SHPK: variants seen among roughly 807,000 people sequenced by gnomAD.
SHPK encodes the protein carbohydrate kinase-like protein.
Under a neutral mutation model 46.3 loss-of-function variants are expected in SHPK, and 51 were observed. The ratio of observed to expected loss-of-function variants is 1.10; its 90% CI spans 0.88 to 1.39. The LOEUF (loss-of-function observed/expected upper bound fraction) is 1.39, where lower values mean the gene tolerates loss of function less well. Among genes scored for constraint, SHPK ranks in the 40% most tolerant of loss-of-function variants. The probability of loss-of-function intolerance (pLI) is 0.00; values close to 1 mark genes in which losing one functional copy is unlikely to be tolerated. For missense variants in SHPK, 668 were observed against 641.3 expected (o/e 1.04, Z -0.45); for synonymous variants, 290 against 273.9 (o/e 1.06, Z -0.58).
intron 1 of SHPK, among the ~76,000 whole-genome samples, chr17:3,632,691 C>T (rs575016658): frequency 1.9e-4 from 29 of 152,224 alleles, no homozygotes; most frequent in African/African-American, 6.5e-4. Flanking sequence ...TCTACATCCA[C>T]GTCGAATCCT....
intron 2 of SHPK, among the ~76,000 whole-genome samples, chr17:3,629,138 T>C (rs1039779612): frequency 2.0e-5 from 3 of 152,132 alleles, no homozygotes; most frequent in African/African-American, 7.2e-5. Flanking sequence ...GATTCAAAAG[T>C]GGGGTTCACC....
rs2075313463 is a variant in SHPK, at chr17:3,608,426, C to A, written c.*2134G>T. 6.6e-6 allele frequency: 1 copy of A among 152,004 alleles called. No individual in the cohort carries two copies. Among genetic ancestry groups the A allele is most frequent in the Admixed American group, 6.6e-5 (1 of 15,218 alleles). The allele number at this position is 152,004 out of a possible 1,614,324, so 9.4% of individuals were successfully genotyped here. The stretch of plus-strand genomic sequence containing the variant: ...CCCTAATGAAGTAAAAAAAGACTGA[C>A]CTGAACAGAAGCACTGTGATACCAG... On this transcript the variant is annotated 3_prime_UTR_variant, in exon 7 of 7. Coordinates refer to ENST00000225519, the MANE Select transcript of SHPK (RefSeq NM_013276.4).
intron 6 of SHPK, among the ~76,000 whole-genome samples, chr17:3,612,590 T>G (rs776144375): frequency 9.9e-5 from 15 of 152,050 alleles, no homozygotes; most frequent in Non-Finnish European, 1.8e-4. Flanking sequence ...TCTCCAGACT[T>G]TCTGATTTAA....
Position 3,621,378 on chromosome 17 carries a change from G to A in SHPK, c.682C>T (p.Pro228Ser), listed in dbSNP as rs746380022. 1.9e-6 allele frequency: 3 copies of A among 1,614,088 alleles called. No homozygotes were observed. In the African/African-American group the frequency reaches 4.0e-5, roughly 22 times the overall value. Residue 228 changes from proline to serine, a missense_variant, in exon 5 of 7, where the codon CCA (proline) becomes TCA (serine). Physicochemically the swap from Pro to Ser is moderately conservative, Grantham distance 74. Transcript: ENST00000225519. ...ACACTGCCAGGCTCGGCGATGTCTG[G>A]GAGCAGGTGGACAGGAAAACCCGAG... ...RSSGFPVHLL[P>S]DIAEPGSVAG...
At chr17:3,624,310 G>C in intron 2 of SHPK, 79 bp from the exon 3 acceptor site, 1 of 1,310,258 alleles carries the variant, frequency 7.6e-7, no homozygotes, top group East Asian at 2.4e-5. Flanking sequence ...TACTCTGCTG[G>C]TGAGTGACAA....
In SHPK at chr17:3,624,207, ATCCC is replaced by A; in HGVS notation, c.331_334del (p.Gly111LeufsTer51). The A allele has an allele frequency of 6.2e-7, 1 of 1,613,464 alleles. No individual in the cohort carries two copies. The highest frequency in any genetic ancestry group is 8.5e-7 in the Non-Finnish European group (1 of 1,179,486). On this transcript the variant is annotated frameshift_variant, in exon 3 of 7. Transcript: ENST00000225519. LOFTEE classifies it high-confidence loss of function. ...AGCTCGGGGCTCGAACACCGGGGTA[ATCCC>A]TCCCTCTGTCCATTCACAGCCTGGA...
intron 2 of SHPK, among the ~76,000 whole-genome samples, chr17:3,627,865 T>TTAC (rs768226810): frequency 1.3e-5 from 2 of 151,840 alleles, no homozygotes; most frequent in African/African-American, 2.4e-5. Context: ...TTAAAAGCTT[T>TTAC]TACAACCTAG....
chr17:3,631,542 C>T lies in SHPK; in HGVS notation c.169-1196G>A, dbSNP rs1334279802. ...TTTTTTTTTTTTTTTTTTTTTTTAG[C>T]GATAGAGTCTCTCTCTATTGCTCAG... On this transcript the variant is annotated intron_variant, in intron 1 of 6. Transcript: ENST00000225519. 5.6e-4 allele frequency among the ~76,000 whole-genome samples: 7 copies of T among 12,474 alleles called. No homozygotes were observed. In the East Asian group the frequency reaches 0.062, roughly 111 times the overall value. The allele number at this position is 12,474 out of a possible 152,430, so 8.2% of individuals were successfully genotyped here. A position where few individuals can be genotyped will look rare whatever the true frequency, so the allele number is the denominator to read the frequency against.
Position 3,621,509 on chromosome 17 carries a change from TC to T in SHPK, c.648-98del, listed in dbSNP as rs1378036052. ...TTCCTCCCTTCCTTCTCTCCATTCC[TC>T]CCTCCCTTCTTCCTTTCCTTTCCTC... is the stretch of plus-strand genomic sequence containing the variant. On this transcript the variant is annotated intron_variant, in intron 4 of 6. Transcript: ENST00000225519. 11 of 1,141,678 alleles carry T rather than the reference TC, an allele frequency of 9.6e-6. No individual in the cohort carries two copies. The African/African-American group carries it at 1.6e-4, about 16-fold the overall frequency. 70.7% of individuals were successfully genotyped at this position (1,141,678 alleles called of 1,614,324 possible).
chr17:3,636,079 C>G lies in SHPK; in HGVS notation c.141G>C (p.Ala47=), dbSNP rs1431783438. 2 of 1,590,360 alleles carry G rather than the reference C, an allele frequency of 1.3e-6. No individual in the cohort carries two copies. The highest frequency in any genetic ancestry group is 3.5e-5 in the Admixed American group (2 of 56,568). Reference sequence around the variant, plus strand: ...GGGGCCCGGCCACCGCGCTCTCGACCGCCGCCTCTGCCCGCGCAGCACGGG... The same window carrying G: ...GGGGCCCGGCCACCGCGCTCTCGACGGCCGCCTCTGCCCGCGCAGCACGGG... The part of the protein sequence containing the change: ...SCARAARAEA[A]VESAVAGPQG... Residue 47 remains alanine, a synonymous_variant, in exon 1 of 7, where the codon GCG becomes GCC. Coordinates refer to ENST00000225519, the MANE Select transcript of SHPK (RefSeq NM_013276.4).
chr17:3,622,731 G>GC (rs2075410410), intron 4 of SHPK: 4 of 247,716 alleles, frequency 1.6e-5, no homozygotes, highest in Admixed American at 7.3e-5. Context: ...TGAGACAAGA[G>GC]TCTCGCTCTG....
intron 5 of SHPK, among the ~76,000 whole-genome samples, chr17:3,617,650 G>C (rs550331888): frequency 2.0e-5 from 3 of 152,298 alleles, no homozygotes; most frequent in South Asian, 2.1e-4. Context: ...ACATAAGGAA[G>C]TTTTAACCTA....
intron 2 of SHPK, among the ~76,000 whole-genome samples, chr17:3,626,040 G>A (rs2075434717): frequency 7.8e-6 from 1 of 128,624 alleles, no homozygotes; most frequent in African/African-American, 2.5e-5. Context: ...GCAACAGAGT[G>A]AGGCTCCATC....
chr17:3,612,731 T>C (rs2075347500), intron 6 of SHPK, among the ~76,000 whole-genome samples: 1 of 148,506 alleles, frequency 6.7e-6, no homozygotes, highest in South Asian at 2.1e-4. Flanking sequence ...AACCTGAACA[T>C]ACAGATGAGT....
chr17:3,614,328 T>A lies in SHPK; in HGVS notation c.1024+1009A>T, dbSNP rs1369717050. ...TCACAAGGTCAGGAGATTGAGACCA[T>A]CCTGGCTAACACGGTGAAACCCCAC... On this transcript the variant is annotated intron_variant, in intron 6 of 6. Transcript: ENST00000225519. 4.0e-5 allele frequency among the ~76,000 whole-genome samples: 6 copies of A among 150,400 alleles called. No homozygotes were observed. In the East Asian group the frequency reaches 1.2e-3, roughly 30 times the overall value.
chr17:3,630,226 C>T lies in SHPK; in HGVS notation c.289G>A (p.Val97Met), dbSNP rs753670176. 1.1e-5 allele frequency: 18 copies of T among 1,613,890 alleles called. No homozygotes were observed. Among genetic ancestry groups the T allele is most frequent in the African/African-American group, 2.7e-5 (2 of 75,024 alleles). Residue 97 changes from valine to methionine, a missense_variant, in exon 2 of 7, where the codon GTG (valine) becomes ATG (methionine). Val to Met is a conservative substitution (Grantham distance 21). Transcript: ENST00000225519. ...IGVSGQMHGV[V>M]FWKTGQGCEW... ...ATACCTTGGCCTGTTTTCCAAAACA[C>T]GACTCCATGCATCTGGCCCGACACC...
In SHPK at chr17:3,609,348, AG is replaced by A. The variant is rs36074691; in HGVS notation, c.*1211del. On this transcript the variant is annotated 3_prime_UTR_variant, in exon 7 of 7. Transcript: ENST00000225519. ...GAGAGAGAGAGAGAGAGAGAGAGAGAGAATACGACTGCTTCCCAAACTCGTG... is the reference window on the plus strand; with the variant it reads ...GAGAGAGAGAGAGAGAGAGAGAGAGAAATACGACTGCTTCCCAAACTCGTG... 1.4e-5 allele frequency: 2 copies of A among 145,468 alleles called. No individual in the cohort carries two copies. Among genetic ancestry groups the A allele is most frequent in the Non-Finnish European group, 3.1e-5 (2 of 65,364 alleles). 9.0% of individuals were successfully genotyped at this position (145,468 alleles called of 1,614,324 possible). A position where few individuals can be genotyped will look rare whatever the true frequency, so the allele number is the denominator to read the frequency against.
At chr17:3,624,844 AG>A (rs1479167010) in intron 2 of SHPK, among the ~76,000 whole-genome samples, 1 of 152,062 alleles carries the variant, frequency 6.6e-6, no homozygotes, top group Non-Finnish European at 1.5e-5. Flanking sequence ...CAGTAGAGAC[AG>A]GGTTTCATCA....
At chr17:3,619,948 T>C (rs1567683279) in intron 5 of SHPK, 1 of 185,788 alleles carries the variant, frequency 5.4e-6, no homozygotes, top group Non-Finnish European at 1.1e-5. Flanking sequence ...CGTTTTTAAA[T>C]GGTTGAAAAA....
Sources: gnomAD v4.1 joint callset for allele counts (sites outside exome capture counted in the v4.1 genomes callset) on GRCh38, gnomAD v4.1.1 for gene constraint, MANE v1.5 for transcripts, NCBI Gene and HGNC (gene_info 2026-07-23, HGNC 2026-07-21) for gene names.